MAP6D1: variants seen among roughly 807,000 people sequenced by gnomAD.
MAP6D1 encodes MAP6 domain containing 1.
In MAP6D1, 13 loss-of-function variants were observed where a neutral mutation model predicts 17.4. That is an observed-to-expected ratio of 0.75 (90% CI 0.49 to 1.19). The LOEUF is 1.19. Ranked by LOEUF, MAP6D1 falls within the 50% of genes most tolerant of loss-of-function variation. MAP6D1 has a pLI of 0.00. For synonymous variants in MAP6D1, 141 were observed against 145.7 expected (o/e 0.97, Z 0.23); for missense variants, 313 against 312.6 (o/e 1.00, Z -0.01).
chr3:183,818,937 T>G (rs16858168), intron 1 of MAP6D1, among the ~76,000 whole-genome samples: 2,474 of 152,310 alleles, frequency 0.016, 72 homozygotes, highest in African/African-American at 0.057. Context: ...GAAAAGACAG[T>G]GCTTCCATTT....
chr3:183,820,403 A>T (rs1191917265), intron 1 of MAP6D1: 1 of 152,158 alleles, frequency 6.6e-6, no homozygotes, highest in Non-Finnish European at 1.5e-5. Context: ...TTTCTGCCCG[A>T]ATTGGGGGCA....
intron 2 of MAP6D1, 48 bp from the exon 3 acceptor site, chr3:183,817,484 C>A: frequency 6.8e-7 from 1 of 1,480,894 alleles, no homozygotes; most frequent in South Asian, 1.2e-5. Flanking sequence ...TTCCTTAACT[C>A]CCTACTCTTC....
At position 183,818,224 on chromosome 3, in the gene MAP6D1, G is replaced by A. The variant is rs528641196; in HGVS notation, c.402-113C>T. On this transcript the variant is annotated intron_variant, in intron 1 of 2. Transcript: ENST00000318631. ...GGCCCTGCCAATTGCTGAAACCCTC[G>A]GCTCCAGGCAGTCCTCATCATCTTC... is the stretch of plus-strand genomic sequence containing the variant. 3.6e-4 allele frequency: 301 copies of A among 841,798 alleles called. 2 individuals are homozygous for A. The African/African-American group carries it at 4.6e-3, about 13-fold the overall frequency. 52.1% of individuals were successfully genotyped at this position (841,798 alleles called of 1,614,324 possible).
intron 1 of MAP6D1, among the ~76,000 whole-genome samples, chr3:183,823,490 ACT>A (rs1417257607): frequency 1.3e-5 from 2 of 152,186 alleles, no homozygotes; most frequent in African/African-American, 4.8e-5. Context: ...AATCCCAGCT[ACT>A]CAGGAAGCTG....
intron 1 of MAP6D1, among the ~76,000 whole-genome samples, chr3:183,821,742 T>C (rs1727264149): frequency 6.6e-6 from 1 of 152,058 alleles, no homozygotes; most frequent in Admixed American, 6.6e-5. Context: ...TTCACTATGT[T>C]GGCCAGGCTG....
At chr3:183,820,975 G>C (rs377733001) in intron 1 of MAP6D1, among the ~76,000 whole-genome samples, 1 of 151,500 alleles carries the variant, frequency 6.6e-6, no homozygotes, top group African/African-American at 2.4e-5. Flanking sequence ...GGCGCCTGTA[G>C]TCCCAGCTAC....
intron 1 of MAP6D1, 56 bp from the exon 2 acceptor site, chr3:183,818,167 C>CT: frequency 1.4e-6 from 2 of 1,442,966 alleles, no homozygotes; most frequent in Non-Finnish European, 2.0e-6. Context: ...CCTTTACCGA[C>CT]TCCCCAGGGG....
intron 1 of MAP6D1, among the ~76,000 whole-genome samples, chr3:183,823,027 G>A (rs1250183112): frequency 6.6e-6 from 1 of 152,198 alleles, no homozygotes; most frequent in African/African-American, 2.4e-5. Flanking sequence ...GCAAGGTCTT[G>A]CTCTGTTGCC....
intron 1 of MAP6D1, among the ~76,000 whole-genome samples, chr3:183,820,966 G>A (rs938876924): frequency 1.3e-5 from 2 of 151,412 alleles, no homozygotes; most frequent in Admixed American, 6.6e-5. Flanking sequence ...GTGGTGGTGG[G>A]CGCCTGTAGT....
At chr3:183,824,456 G>A (rs774011185) in intron 1 of MAP6D1, among the ~76,000 whole-genome samples, 2 of 152,220 alleles carry the variant, frequency 1.3e-5, no homozygotes, top group Non-Finnish European at 2.9e-5. Context: ...ATATATCAGT[G>A]CATATGCACC....
Position 183,817,320 on chromosome 3 carries a change from G to A in MAP6D1, c.*36C>T. ...GGTCCTGAGGCCGCTCCCCAGCCCT[G>A]TCCTGTCGGCAGCCATGGTGTCACG... On this transcript the variant is annotated 3_prime_UTR_variant, in exon 3 of 3. Coordinates refer to ENST00000318631, the MANE Select transcript of MAP6D1 (RefSeq NM_024871.4). 1 of 1,546,652 alleles carries A rather than the reference G, an allele frequency of 6.5e-7. No homozygotes were observed. The highest frequency in any genetic ancestry group is 8.7e-7 in the Non-Finnish European group (1 of 1,143,954).
intron 1 of MAP6D1, among the ~76,000 whole-genome samples, chr3:183,821,093 C>CAA (rs540724493): frequency 0.024 from 2,267 of 95,706 alleles, 62 homozygotes; most frequent in African/African-American, 0.082. Flanking sequence ...GACTCCGTCT[C>CAA]AAAAAAAAAA....
intron 1 of MAP6D1, 86 bp downstream of exon 1, chr3:183,825,061 C>T (rs1054176535): frequency 3.8e-5 from 48 of 1,252,992 alleles, no homozygotes; most frequent in Non-Finnish European, 4.7e-5. Flanking sequence ...CTCCGCTCTG[C>T]CGCCCACCCC....
chr3:183,822,357 C>T (rs1727281120), intron 1 of MAP6D1, among the ~76,000 whole-genome samples: 1 of 151,790 alleles, frequency 6.6e-6, no homozygotes, highest in Admixed American at 6.6e-5. Flanking sequence ...GAGAAAATCA[C>T]TTGAGCCTGG....
intron 1 of MAP6D1, among the ~76,000 whole-genome samples, chr3:183,824,933 C>T (rs1269581786): frequency 1.3e-5 from 2 of 152,238 alleles, no homozygotes; most frequent in African/African-American, 2.4e-5. Flanking sequence ...GGTGCTCGAG[C>T]ACTGAGTCCG....
At chr3:183,824,389 GGACA>G (rs1727323928) in intron 1 of MAP6D1, among the ~76,000 whole-genome samples, 1 of 152,150 alleles carries the variant, frequency 6.6e-6, no homozygotes, top group Non-Finnish European at 1.5e-5. Context: ...GTAGTAACAC[GGACA>G]GACTTCTACA....
In MAP6D1 at chr3:183,825,227, T is replaced by C. The variant is rs1303015582; in HGVS notation, c.321A>G (p.Pro107=). ...RGKSSAQSSA[P]PAPGARGVYV... ...AGACCCCGCGGGCGCCGGGCGCAGG[T>C]GGCGCGGAGGACTGCGCGGAGGATT... The change falls in exon 1 of 3, where the codon CCA becomes CCG. Residue 107 remains proline (P), a synonymous_variant. Transcript: ENST00000318631. 2.1e-6 allele frequency: 3 copies of C among 1,424,950 alleles called. No individual in the cohort carries two copies. The highest frequency in any genetic ancestry group is 2.8e-6 in the Non-Finnish European group (3 of 1,088,236). The allele number at this position is 1,424,950 out of a possible 1,614,324, so 88.3% of individuals were successfully genotyped here.
intron 1 of MAP6D1, among the ~76,000 whole-genome samples, chr3:183,822,814 G>A (rs1468123824): frequency 6.6e-6 from 1 of 152,238 alleles, no homozygotes; most frequent in Non-Finnish European, 1.5e-5. Flanking sequence ...GGTCCTGAGC[G>A]TGCAGCGCAT....
At chr3:183,822,285 AC>A (rs1485182208) in intron 1 of MAP6D1, among the ~76,000 whole-genome samples, 27 of 130,224 alleles carry the variant, frequency 2.1e-4, no homozygotes, top group Non-Finnish European at 2.7e-4. Flanking sequence ...ACACACACAC[AC>A]ACACACAAAA....
Sources: allele counts gnomAD v4.1 joint callset (sites outside exome capture counted in the v4.1 genomes callset), GRCh38; gene constraint gnomAD v4.1.1; transcripts MANE v1.5; gene names NCBI Gene and HGNC (gene_info 2026-07-23, HGNC 2026-07-21).